Variants in CELF2 observed in about 807,000 individuals in gnomAD.
CELF2 encodes CUG triplet repeat RNA-binding protein 2.
A neutral mutation model predicts 62.6 loss-of-function variants in CELF2; 8 were observed. The ratio of observed to expected loss-of-function variants is 0.13; its 90% confidence interval spans 0.07 to 0.23. CELF2 has a LOEUF of 0.23. Ranked by LOEUF, CELF2 falls within the 10% of genes least tolerant of loss-of-function variation. CELF2 has a pLI of 1.00. For synonymous variants in CELF2, 258 were observed against 250.0 expected (o/e 1.03, Z -0.30); for missense variants, 333 against 671.0 (o/e 0.50, Z 5.56).
At chr10:11,275,173 G>A in intron 8 of CELF2, 53 bp downstream of exon 8, 1 of 1,577,214 alleles carries the variant, frequency 6.3e-7, no homozygotes, top group Non-Finnish European at 8.7e-7. Flanking sequence ...CAGAATTTGG[G>A]GTTGGTTCCG....
At chr10:11,061,919 TCTC>T (rs201482357) in intron 1 of CELF2, among the ~76,000 whole-genome samples, 3,926 of 152,328 alleles carry the variant, frequency 0.026, 94 homozygotes, top group Middle Eastern at 0.041. Context: ...CTCAAACAAT[TCTC>T]CTGCCTCAGC....
At chr10:10,493,230 A>G in the CELF2 span, among the ~76,000 whole-genome samples, 1 of 152,192 alleles carries the variant, frequency 6.6e-6, no homozygotes, top group African/African-American at 2.4e-5. Context: ...AGAGTAGTCA[A>G]ATTCACAGAA....
At chr10:10,530,968 C>G in the CELF2 span, among the ~76,000 whole-genome samples, 6 of 152,146 alleles carry the variant, frequency 3.9e-5, no homozygotes, top group Non-Finnish European at 7.4e-5. Flanking sequence ...TAATGCAAAA[C>G]AGCTAATTAA....
rs994104891 is a variant in CELF2 at position 11,145,951 on chromosome 10, T to C, written c.75-19535T>C. Among the ~76,000 whole-genome samples, 41 of 152,206 alleles carry C rather than the reference T, an allele frequency of 2.7e-4. No homozygotes were observed. The highest frequency in any genetic ancestry group is 8.4e-4 in the African/African-American group (35 of 41,450). The stretch of plus-strand genomic sequence containing the variant: ...AACTACTACTTAAAATCCAAGAACA[T>C]TGTGAGAATACCTACCTGTACTCTC... On this transcript the variant is annotated intron_variant, in intron 1 of 12. Transcript: ENST00000633077. This position sits in a 1 kb window ranked among gnomAD's most constrained non-coding sequence, Gnocchi z 4.3.
chr10:10,831,350 C>A lies in CELF2; in HGVS notation c.53+32533C>A, dbSNP rs1302104272. 2.0e-5 allele frequency among the ~76,000 whole-genome samples: 3 copies of A among 152,214 alleles called. No individual in the cohort carries two copies. In the East Asian group the frequency reaches 5.8e-4, roughly 29 times the overall value. On this transcript the variant is annotated intron_variant, in intron 1 of 13. Transcript: ENST00000636488. ...GAGGGCAGTCAGGACACTTCTGGAACAAGGTTTCCGAAGCCACGCTGCCCT... is the reference window on the plus strand; with the variant it reads ...GAGGGCAGTCAGGACACTTCTGGAAAAAGGTTTCCGAAGCCACGCTGCCCT...
At chr10:11,291,835 A>G (rs2092569667) in intron 9 of CELF2, among the ~76,000 whole-genome samples, 1 of 152,222 alleles carries the variant, frequency 6.6e-6, no homozygotes, top group African/African-American at 2.4e-5. Flanking sequence ...CAGCTTGCAA[A>G]TGAGTTAGTT....
intron 1 of CELF2, among the ~76,000 whole-genome samples, chr10:11,025,065 C>T (rs1444448308): frequency 6.6e-6 from 1 of 152,146 alleles, no homozygotes; most frequent in African/African-American, 2.4e-5. Context: ...GTCTTCCTTT[C>T]TCCTAGTAGC....
chr10:11,247,026 C>T lies in CELF2; in HGVS notation c.355-2127C>T, dbSNP rs114668326. On this transcript the variant is annotated intron_variant, in intron 3 of 12. Coordinates refer to ENST00000633077, the MANE Select transcript of CELF2 (RefSeq NM_001326342.2). The surrounding 1 kb of genome is among the most constrained non-coding windows in gnomAD (Gnocchi z 5.4). ...TGGAGTTCCCCTTCTCCACCATCCCCACAACCAGCCAGTCGCCATGAAGTT... is the reference window on the plus strand; with the variant it reads ...TGGAGTTCCCCTTCTCCACCATCCCTACAACCAGCCAGTCGCCATGAAGTT... 5.2e-3 allele frequency among the ~76,000 whole-genome samples: 792 copies of T among 152,340 alleles called. 8 individuals carry two copies. The highest frequency in any genetic ancestry group is 0.018 in the African/African-American group (757 of 41,568).
rs922857335 is a variant in CELF2 at position 10,898,051 on chromosome 10, T to C, written c.54-21913T>C. On this transcript the variant is annotated intron_variant, in intron 1 of 13. Transcript: ENST00000636488. ...AATATTATCTGGCCCTAAAGACTAA[T>C]GGAACCTTCTCTGTTGGGTTTCAAA... Among the ~76,000 whole-genome samples the C allele has an allele frequency of 2.0e-5, 3 of 152,318 alleles. No homozygotes were observed. The South Asian group carries it at 6.2e-4, about 32-fold the overall frequency.
At chr10:11,281,378 G>A (rs974030417) in intron 8 of CELF2, among the ~76,000 whole-genome samples, 1 of 152,178 alleles carries the variant, frequency 6.6e-6, no homozygotes, top group African/African-American at 2.4e-5. Flanking sequence ...AGGCAGCGGC[G>A]GACGAGGGTC....
At chr10:11,169,357 A>AG (rs1458365098) in intron 2 of CELF2, 1 of 152,252 alleles carries the variant, frequency 6.6e-6, no homozygotes, top group African/African-American at 2.4e-5. Context: ...GAGGAAATGA[A>AG]TAAGTCGCAG....
rs1248140289 is a variant in CELF2, at chr10:10,995,468, G to A, written c.89+75469G>A. Among the ~76,000 whole-genome samples, 3 of 152,188 alleles carry A rather than the reference G, an allele frequency of 2.0e-5. No homozygotes were observed. On this transcript the variant is annotated intron_variant, in intron 2 of 13. Coordinates refer to the CELF2 transcript ENST00000636488. This position sits in a 1 kb window ranked among gnomAD's most constrained non-coding sequence, Gnocchi z 4.7. Reference sequence around the variant, plus strand: ...AGGGTGGGGATCACTGGAGAGTTTTGCATTGGTGGAAAACAGCATGAACGA... The same window carrying A: ...AGGGTGGGGATCACTGGAGAGTTTTACATTGGTGGAAAACAGCATGAACGA...
chr10:11,148,757 T>C (rs2062736786), intron 1 of CELF2, among the ~76,000 whole-genome samples: 1 of 152,174 alleles, frequency 6.6e-6, no homozygotes, highest in African/African-American at 2.4e-5. Context: ...GGAATGTTTT[T>C]GTTAATTAAG....
At chr10:11,146,012 A>G (rs76895895) in intron 1 of CELF2, among the ~76,000 whole-genome samples, 1,780 of 152,310 alleles carry the variant, frequency 0.012, 30 homozygotes, top group African/African-American at 0.041. Context: ...ACATTTCACT[A>G]AATCCTTACA....
intron 1 of CELF2, among the ~76,000 whole-genome samples, chr10:10,811,026 G>T (rs191896313): frequency 1.8e-4 from 27 of 152,328 alleles, no homozygotes; most frequent in African/African-American, 6.5e-4. Context: ...AGAGCCATCA[G>T]TATCAAAATG....
At chr10:10,486,050 CAT>C in the CELF2 span, among the ~76,000 whole-genome samples, 5 of 152,150 alleles carry the variant, frequency 3.3e-5, no homozygotes, top group Admixed American at 3.3e-4. Flanking sequence ...ATCATGGAAA[CAT>C]AGAATAATGG....
At chr10:10,584,481 G>A in the CELF2 span, among the ~76,000 whole-genome samples, 1 of 152,200 alleles carries the variant, frequency 6.6e-6, no homozygotes, top group African/African-American at 2.4e-5. Context: ...TATTGTTACA[G>A]GTACATACTA....
At chr10:11,082,408 C>T (rs1427990985) in intron 1 of CELF2, among the ~76,000 whole-genome samples, 3 of 152,184 alleles carry the variant, frequency 2.0e-5, no homozygotes, top group Non-Finnish European at 4.4e-5. Flanking sequence ...ATTTCCAGAT[C>T]ACTCAGCTGT....
intron 1 of CELF2, among the ~76,000 whole-genome samples, chr10:11,042,473 G>A (rs888956595): frequency 5.9e-5 from 9 of 152,290 alleles, no homozygotes; most frequent in Admixed American, 1.3e-4. Flanking sequence ...TTCTGACAGC[G>A]TAAGACTTTA....
Sources: gnomAD v4.1 joint callset for allele counts (sites outside exome capture counted in the v4.1 genomes callset) on GRCh38, gnomAD v4.1.1 for gene constraint, Gnocchi (gnomAD v3.1) non-coding constraint, MANE v1.5 for transcripts, NCBI Gene and HGNC (gene_info 2026-07-23, HGNC 2026-07-21) for gene names.